RPL22: variants seen among roughly 807,000 people sequenced by gnomAD.
The protein encoded by RPL22 is ribosomal protein L22, also known as large ribosomal subunit protein eL22.
In RPL22, 4 loss-of-function variants were observed where a neutral mutation model predicts 16.2. The ratio of observed to expected loss-of-function variants is 0.25; its 90% CI spans 0.12 to 0.57. The LOEUF (loss-of-function observed/expected upper bound fraction) is 0.57. RPL22 is among the 20% of genes least tolerant of loss of function. The pLI, the probability that RPL22 is intolerant of heterozygous loss-of-function variation, is 0.92. For synonymous variants in RPL22, 43 were observed against 54.8 expected (o/e 0.78, Z 0.95); for missense variants, 83 against 156.1 (o/e 0.53, Z 2.49).
chr1:6,192,799 T>G (rs768944400), intron 3 of RPL22, 131 bp downstream of exon 3: 235 of 1,089,218 alleles, frequency 2.2e-4, no homozygotes, highest in Admixed American at 3.2e-4. Flanking sequence ...CACTGCCTCC[T>G]GCACTGAGCA....
At chr1:6,192,360 A>G (rs1295841942) in intron 3 of RPL22, among the ~76,000 whole-genome samples, 2 of 152,204 alleles carry the variant, frequency 1.3e-5, no homozygotes, top group Admixed American at 6.5e-5. Flanking sequence ...AATATTTTTG[A>G]GAAAACAGTC....
intron 3 of RPL22, among the ~76,000 whole-genome samples, chr1:6,189,704 G>A (rs1168887264): frequency 6.6e-6 from 1 of 151,304 alleles, no homozygotes; most frequent in African/African-American, 2.4e-5. Context: ...TGGATCACCT[G>A]AGGTCAGGAG....
intron 1 of RPL22, chr1:6,198,437 C>T (rs1667748877): frequency 6.6e-6 from 1 of 152,340 alleles, no homozygotes; most frequent in South Asian, 2.1e-4. Context: ...CGGCAAAGCA[C>T]ATCCTACAAG....
chr1:6,191,151 A>G (rs1335398804), intron 3 of RPL22, among the ~76,000 whole-genome samples: 1 of 151,662 alleles, frequency 6.6e-6, no homozygotes, highest in East Asian at 2.0e-4. Context: ...CGAGGTCAGG[A>G]GATCGAGACC....
In RPL22 at chr1:6,186,026, ATTAC is replaced by A. The variant is rs1265346163; in HGVS notation, c.*642_*645del. On this transcript the variant is annotated 3_prime_UTR_variant, in exon 4 of 4. Coordinates refer to ENST00000234875, the MANE Select transcript of RPL22 (RefSeq NM_000983.4). The stretch of plus-strand genomic sequence containing the variant: ...GTTTGTTGCAAAGACCTGTAGAAAC[ATTAC>A]TTACACGTTCATTTCTGTACACATT... 4.3e-6 allele frequency: 1 copy of A among 230,932 alleles called. No individual in the cohort carries two copies. Among genetic ancestry groups the A allele is most frequent in the Non-Finnish European group, 8.6e-6 (1 of 116,670 alleles). The allele number at this position is 230,932 out of a possible 1,614,324, so 14.3% of individuals were successfully genotyped here.
At chr1:6,189,167 G>GCTCCACACCAACAAAGCAAT (rs767881450) in intron 3 of RPL22, among the ~76,000 whole-genome samples, 5,353 of 133,684 alleles carry the variant, frequency 0.04, 1,034 homozygotes, top group African/African-American at 0.11. Context: ...CTGTGACAGT[G>GCTCCACACCAACAAAGCAAT]CTCCACACCA....
chr1:6,193,472 C>T (rs1213097435), intron 2 of RPL22, among the ~76,000 whole-genome samples: 4 of 152,010 alleles, frequency 2.6e-5, no homozygotes, highest in African/African-American at 7.3e-5. Context: ...TACAGGCATT[C>T]GCCACCAGGC....
chr1:6,192,230 G>C (rs1323230830), intron 3 of RPL22, among the ~76,000 whole-genome samples: 2 of 152,108 alleles, frequency 1.3e-5, no homozygotes, highest in Admixed American at 1.3e-4. Context: ...AACTCTTGTA[G>C]AGATGGGGGT....
At chr1:6,196,344 CA>C (rs1667718507) in intron 2 of RPL22, among the ~76,000 whole-genome samples, 1 of 151,962 alleles carries the variant, frequency 6.6e-6, no homozygotes, top group Non-Finnish European at 1.5e-5. Context: ...GAGGAGGCCA[CA>C]GAAAAGCCAG....
intron 2 of RPL22, among the ~76,000 whole-genome samples, chr1:6,196,692 A>G (rs2100907461): frequency 6.6e-6 from 1 of 152,218 alleles, no homozygotes; most frequent in African/African-American, 2.4e-5. Context: ...CGGAAGGATT[A>G]TTTAATATTT....
chr1:6,189,244 C>A (rs1326277527), intron 3 of RPL22, among the ~76,000 whole-genome samples: 2 of 151,984 alleles, frequency 1.3e-5, no homozygotes, highest in African/African-American at 4.8e-5. Flanking sequence ...ACCAACAAAG[C>A]AATCGCCACA....
In RPL22 at chr1:6,199,539, G is replaced by A. The variant is rs774869596; in HGVS notation, c.12+23C>T. 6 of 1,558,070 alleles carry A rather than the reference G, an allele frequency of 3.9e-6. No homozygotes were observed. The East Asian group carries it at 9.6e-5, about 25-fold the overall frequency. On this transcript the variant is annotated intron_variant, in intron 1 of 3. Transcript: ENST00000234875. ...CCCACGTGCCTCCCCTGGAGCCGAGGCCTCACGCGGAGCCATACTAACCAC... is the reference window on the plus strand; with the variant it reads ...CCCACGTGCCTCCCCTGGAGCCGAGACCTCACGCGGAGCCATACTAACCAC...
intron 3 of RPL22, among the ~76,000 whole-genome samples, chr1:6,189,335 A>T (rs187605226): frequency 1.3e-5 from 2 of 152,344 alleles, no homozygotes; most frequent in Admixed American, 6.5e-5. Flanking sequence ...TAAAAAGTAT[A>T]CTTTTGTCAA....
chr1:6,197,830 A>G (rs1667740372), intron 1 of RPL22, 74 bp from the exon 2 acceptor site: 16 of 1,060,346 alleles, frequency 1.5e-5, no homozygotes, highest in Non-Finnish European at 2.3e-5. Flanking sequence ...AGAACCAGAA[A>G]CGTCATAGGT....
At chr1:6,187,962 G>A (rs534335256) in intron 3 of RPL22, among the ~76,000 whole-genome samples, 101 of 152,146 alleles carry the variant, frequency 6.6e-4, no homozygotes, top group Non-Finnish European at 1.3e-3. Flanking sequence ...CTGCGCTCAC[G>A]CCCAGAGAGC....
At position 6,193,943 on chromosome 1, in the gene RPL22, C is replaced by G. The variant is rs577388379; in HGVS notation, c.118-889G>C. On this transcript the variant is annotated intron_variant, in intron 2 of 3. Coordinates refer to ENST00000234875, the MANE Select transcript of RPL22 (RefSeq NM_000983.4). ...CCCAAGGCCAGACTTTTACAAGATACGCCTGTAATCCCAGCACTTTGAGAG... is the reference window on the plus strand; with the variant it reads ...CCCAAGGCCAGACTTTTACAAGATAGGCCTGTAATCCCAGCACTTTGAGAG... Among the ~76,000 whole-genome samples, 50 of 152,216 alleles carry G rather than the reference C, an allele frequency of 3.3e-4. 1 individual carries two copies. Among genetic ancestry groups the G allele is most frequent in the African/African-American group, 1.1e-3 (46 of 41,532 alleles).
At chr1:6,194,521 G>C (rs1468038440) in intron 2 of RPL22, among the ~76,000 whole-genome samples, 25 of 152,174 alleles carry the variant, frequency 1.6e-4, no homozygotes, top group Admixed American at 1.0e-3. Flanking sequence ...TTGTTTTCTT[G>C]CTATGGCAAT....
chr1:6,185,074 C>G lies in RPL22; in HGVS notation c.*1598G>C, dbSNP rs1667567431. On this transcript the variant is annotated 3_prime_UTR_variant, in exon 4 of 4. Transcript: ENST00000234875. ...TTTAATAGAAAATATGATCAAAACT[C>G]GATTACAAGAGTTCAAAAAGACATA... 2.7e-6 allele frequency: 1 copy of G among 365,478 alleles called. No homozygotes were observed. The highest frequency in any genetic ancestry group is 4.6e-5 in the Admixed American group (1 of 21,786). The allele number at this position is 365,478 out of a possible 1,614,324, so 22.6% of individuals were successfully genotyped here. A position where few individuals can be genotyped will look rare whatever the true frequency, so the allele number is the denominator to read the frequency against.
Position 6,185,184 on chromosome 1 carries a change from A to T in RPL22, c.*1488T>A, listed in dbSNP as rs1667568545. 2.5e-6 allele frequency: 1 copy of T among 396,920 alleles called. No individual in the cohort carries two copies. The highest frequency in any genetic ancestry group is 4.4e-6 in the Non-Finnish European group (1 of 225,446). 24.6% of individuals were successfully genotyped at this position (396,920 alleles called of 1,614,324 possible). A position where few individuals can be genotyped will look rare whatever the true frequency, so the allele number is the denominator to read the frequency against. On this transcript the variant is annotated 3_prime_UTR_variant, in exon 4 of 4. Coordinates refer to ENST00000234875, the MANE Select transcript of RPL22 (RefSeq NM_000983.4). ...TTCTTTTAACTGAAATGCCAACTTC[A>T]GCCCAGGGTTTTTTCACAACCAAAC...
Sources: allele counts gnomAD v4.1 joint callset (sites outside exome capture counted in the v4.1 genomes callset), GRCh38; gene constraint gnomAD v4.1.1; transcripts MANE v1.5; gene names NCBI Gene and HGNC (gene_info 2026-07-23, HGNC 2026-07-21).